Variants in ARPP21 observed in about 807,000 individuals in gnomAD.
The protein encoded by ARPP21 is cAMP regulated phosphoprotein 21, also known as cAMP-regulated phosphoprotein 21.
Under a neutral mutation model 113.2 loss-of-function variants are expected in ARPP21, and 69 were observed. The observed-to-expected ratio is 0.61, with a 90% CI of 0.50 to 0.74. ARPP21 has a LOEUF of 0.74. Ranked by LOEUF, ARPP21 falls within the 30% of genes least tolerant of loss-of-function variation. The probability of loss-of-function intolerance (pLI) is 0.00; values close to 1 mark genes in which losing one functional copy is unlikely to be tolerated. For synonymous variants in ARPP21, 368 were observed against 375.5 expected, an observed-to-expected ratio of 0.98 and a Z score of 0.23; for missense variants, 1,070 against 1,037.4, an observed-to-expected ratio of 1.03 and a Z score of -0.43.
rs148487086 is a variant in ARPP21 at position 35,669,363 on chromosome 3, A to C, written c.-212-10424A>C. Among the ~76,000 whole-genome samples, 1,083 of 152,288 alleles carry C rather than the reference A, an allele frequency of 7.1e-3. 12 individuals carry two copies. Among genetic ancestry groups the C allele is most frequent in the African/African-American group, 0.025 (1,023 of 41,564 alleles). ...ACTTTAAAATCTTGAAGGTTTCACA[A>C]ATAAGCCCACAGCTCAGAAGCTGAG... On this transcript the variant is annotated intron_variant, in intron 1 of 20. Coordinates refer to ENST00000684406, the MANE Select transcript of ARPP21 (RefSeq NM_001385562.1).
At chr3:35,782,916 T>C (rs754329350) in intron 19 of ARPP21, among the ~76,000 whole-genome samples, 21 of 152,172 alleles carry the variant, frequency 1.4e-4, no homozygotes, top group Non-Finnish European at 2.6e-4. Context: ...TTTCTTCCTG[T>C]CTGGCTGATG....
At chr3:35,713,409 T>A (rs1284766230) in intron 11 of ARPP21, among the ~76,000 whole-genome samples, 1 of 152,198 alleles carries the variant, frequency 6.6e-6, no homozygotes, top group South Asian at 2.1e-4. Context: ...ATTTTTTTTT[T>A]ATTTTTTTGA....
In ARPP21 at chr3:35,777,232, C is replaced by T. The variant is rs909159311; in HGVS notation, c.2138-15150C>T. Among the ~76,000 whole-genome samples, 4 of 152,146 alleles carry T rather than the reference C, an allele frequency of 2.6e-5. 1 individual carries two copies. The South Asian group carries it at 8.3e-4, about 31-fold the overall frequency. On this transcript the variant is annotated intron_variant, in intron 19 of 20. Transcript: ENST00000684406. ...GAAAATACCCCTATTTACTGAGCAC[C>T]ATTTAGTGGAAACTAATGGTAACTA...
At chr3:35,711,190 T>C (rs1224831769) in intron 11 of ARPP21, among the ~76,000 whole-genome samples, 3 of 152,202 alleles carry the variant, frequency 2.0e-5, no homozygotes, top group Admixed American at 6.5e-5. Context: ...GTTTCTAGCA[T>C]GCTTTTTAAC....
At chr3:35,762,207 G>A (rs2095809561) in intron 19 of ARPP21, among the ~76,000 whole-genome samples, 1 of 150,796 alleles carries the variant, frequency 6.6e-6, no homozygotes, top group Non-Finnish European at 1.5e-5. Flanking sequence ...ATTTTGTCAA[G>A]AGTCAATTGT....
chr3:35,792,208 T>C (rs1434249012), intron 19 of ARPP21, 174 bp from the exon 20 acceptor site: 2 of 648,926 alleles, frequency 3.1e-6, no homozygotes, highest in Non-Finnish European at 5.5e-6. Context: ...TTGTTCACTC[T>C]TAGAAGTAAA....
chr3:35,717,349 G>T lies in ARPP21; in HGVS notation c.987G>T (p.Gln329His). The T allele has an allele frequency of 1.9e-6, 3 of 1,600,296 alleles. No individual in the cohort carries two copies. The highest frequency in any genetic ancestry group is 2.6e-6 in the Non-Finnish European group (3 of 1,167,900). ...GCAATGAGACCTATAAGAAAAGACA[G>T]CTCTTTCGGTTGGTATGGTTTACTT... is the stretch of plus-strand genomic sequence containing the variant. ...NICNETYKKRQLFRGNRDGSG... is the reference protein window; with the variant it reads ...NICNETYKKRHLFRGNRDGSG... Residue 329 changes from glutamine (Q) to histidine (H), a missense_variant, in exon 13 of 21, where the codon CAG (glutamine) becomes CAT (histidine). By Grantham distance (24) the Gln-to-His change is conservative. Transcript: ENST00000684406.
intron 19 of ARPP21, among the ~76,000 whole-genome samples, chr3:35,765,574 A>C (rs1239321406): frequency 5.3e-5 from 8 of 152,148 alleles, no homozygotes; most frequent in African/African-American, 1.9e-4. Context: ...CCAAGGAACA[A>C]AACTCCACCA....
At chr3:35,706,132 A>C (rs2088897482) in intron 9 of ARPP21, among the ~76,000 whole-genome samples, 1 of 152,158 alleles carries the variant, frequency 6.6e-6, no homozygotes, top group Non-Finnish European at 1.5e-5. Context: ...GAGAGTCATA[A>C]ATTTTAACTG....
At chr3:35,669,690 TC>T (rs1249069830) in intron 1 of ARPP21, among the ~76,000 whole-genome samples, 1 of 152,028 alleles carries the variant, frequency 6.6e-6, no homozygotes. Context: ...TAACTTCACA[TC>T]TTTCTTTCTG....
intron 15 of ARPP21, among the ~76,000 whole-genome samples, chr3:35,736,227 T>C (rs1458480363): frequency 6.6e-6 from 1 of 152,208 alleles, no homozygotes; most frequent in Middle Eastern, 3.2e-3. Context: ...GCTAAGATCA[T>C]ACATGTAAGG....
At chr3:35,762,738 G>A (rs576644889) in intron 19 of ARPP21, among the ~76,000 whole-genome samples, 1 of 152,154 alleles carries the variant, frequency 6.6e-6, no homozygotes, top group South Asian at 2.1e-4. Flanking sequence ...TAAGACGATG[G>A]TTCCAATTTA....
At chr3:35,745,273 G>A (rs2094953472) in intron 19 of ARPP21, among the ~76,000 whole-genome samples, 1 of 152,170 alleles carries the variant, frequency 6.6e-6, no homozygotes, top group South Asian at 2.1e-4. Flanking sequence ...GGTGGTAACG[G>A]TGCTATCAGT....
At chr3:35,746,880 T>C (rs1341350837) in intron 19 of ARPP21, among the ~76,000 whole-genome samples, 1 of 152,220 alleles carries the variant, frequency 6.6e-6, no homozygotes, top group Non-Finnish European at 1.5e-5. Context: ...TTTTGTAAAG[T>C]GAACTGGACA....
At chr3:35,718,000 A>T (rs2092644078) in intron 13 of ARPP21, among the ~76,000 whole-genome samples, 1 of 152,166 alleles carries the variant, frequency 6.6e-6, no homozygotes, top group South Asian at 2.1e-4. Flanking sequence ...AGAAAAGTGT[A>T]CACAGTACTA....
intron 19 of ARPP21, chr3:35,744,497 G>A (rs1273290796): frequency 1.9e-6 from 1 of 531,286 alleles, no homozygotes; most frequent in Non-Finnish European, 3.9e-6. Context: ...AAGGGGGGCC[G>A]ATACACTGTA....
chr3:35,739,926 T>A (rs894211900), intron 18 of ARPP21, among the ~76,000 whole-genome samples: 4 of 152,220 alleles, frequency 2.6e-5, no homozygotes, highest in Admixed American at 6.5e-5. Flanking sequence ...GGGAAAGGTC[T>A]GCACCTAGGA....
chr3:35,658,549 G>C (rs1014884551), intron 1 of ARPP21, among the ~76,000 whole-genome samples: 3 of 151,950 alleles, frequency 2.0e-5, no homozygotes, highest in Non-Finnish European at 4.4e-5. Context: ...ATCTAAAAAT[G>C]ATATGCAATA....
intron 5 of ARPP21, chr3:35,684,598 ACAAAAGTAAAATGGTTTACCTGAGC>A: frequency 1.0e-6 from 1 of 985,478 alleles, no homozygotes; most frequent in Non-Finnish European, 1.2e-6. Context: ...TGCAGTCAAG[ACAAAAGTAAAATGGTTTACCTGAGC>A]CCAGGGGAGG....
Sources: gnomAD v4.1 joint callset for allele counts (sites outside exome capture counted in the v4.1 genomes callset) on GRCh38, gnomAD v4.1.1 for gene constraint, MANE v1.5 for transcripts, NCBI Gene and HGNC (gene_info 2026-07-23, HGNC 2026-07-21) for gene names.